The following ZNF224 variants were observed in gnomAD, a reference collection of about 807,000 sequenced individuals.
The protein encoded by ZNF224 is bone marrow zinc finger 2.
In ZNF224, 8 loss-of-function variants were observed where a neutral mutation model predicts 10.5. That is an observed-to-expected ratio of 0.76 (90% CI 0.45 to 1.37). The LOEUF is 1.37. Among genes scored for constraint, ZNF224 ranks in the 40% most tolerant of loss-of-function variants. The pLI, the probability that ZNF224 is intolerant of heterozygous loss-of-function variation, is 0.00. For synonymous variants in ZNF224, 282 were observed against 287.8 expected, an observed-to-expected ratio of 0.98 and a Z score of 0.20; for missense variants, 754 against 854.0, an observed-to-expected ratio of 0.88 and a Z score of 1.46.
At chr19:44,104,921 C>T (rs923489373) in intron 5 of ZNF224, among the ~76,000 whole-genome samples, 10 of 152,218 alleles carry the variant, frequency 6.6e-5, no homozygotes, top group South Asian at 2.1e-4. Flanking sequence ...TTCGGCCTCC[C>T]GAAGTGCTGG....
intron 3 of ZNF224, among the ~76,000 whole-genome samples, chr19:44,099,244 A>T (rs968724724): frequency 6.6e-6 from 1 of 152,154 alleles, no homozygotes; most frequent in East Asian, 1.9e-4. Flanking sequence ...TACCTCTTCC[A>T]TGGCCCCCAG....
rs1235088887 is a variant in ZNF224 at position 44,109,447 on chromosome 19, A to G, written c.*1163A>G. 1 of 152,152 alleles carries G rather than the reference A, an allele frequency of 6.6e-6. No individual in the cohort carries two copies. The highest frequency in any genetic ancestry group is 6.5e-5 in the Admixed American group (1 of 15,278). 9.4% of individuals were successfully genotyped at this position (152,152 alleles called of 1,614,324 possible). On this transcript the variant is annotated 3_prime_UTR_variant, in exon 6 of 6. Transcript: ENST00000693561. ...AGAGAAAATGGAGTTTGGTAATTTC[A>G]TCAAATATATTCATTATTGGGGGCA...
intron 5 of ZNF224, among the ~76,000 whole-genome samples, chr19:44,104,097 A>G (rs886623120): frequency 3.3e-5 from 5 of 152,078 alleles, no homozygotes; most frequent in Non-Finnish European, 7.4e-5. Context: ...ACCACCTTTC[A>G]TTGTCTCATC....
Position 44,107,311 on chromosome 19 carries a change from C to T in ZNF224, c.1151C>T (p.Ala384Val), listed in dbSNP as rs770261501. 1 of 1,584,796 alleles carries T rather than the reference C, an allele frequency of 6.3e-7. No individual in the cohort carries two copies. The highest frequency in any genetic ancestry group is 2.2e-5 in the East Asian group (1 of 44,678). Residue 384 changes from alanine (A) to valine (V), a missense_variant, in exon 6 of 6, where the codon GCC becomes GTC. Ala to Val is a moderately conservative substitution (Grantham distance 64, BLOSUM62 0). Transcript: ENST00000693561. ...CKECGKSFRW[A>V]SCLLKHQRVH... ...GAGTGTGGGAAGAGCTTCAGATGGG[C>T]CTCGTGTCTTTTGAAACATCAGCGA... is the stretch of plus-strand genomic sequence containing the variant.
At chr19:44,096,310 A>G (rs1249443557) in intron 1 of ZNF224, 33 bp from the exon 2 acceptor site, 1 of 152,188 alleles carries the variant, frequency 6.6e-6, no homozygotes, top group Non-Finnish European at 1.5e-5. Flanking sequence ...AAGTGTTTAC[A>G]TTTTTCCTGT....
chr19:44,106,466 A>G lies in ZNF224; in HGVS notation c.306A>G (p.Gln102=). Reference sequence around the variant, plus strand: ...CACATCAAGAGTGGTCCTTCCAGCAAATCTGGGAAAAAATTGCAAGTGATT... The same window carrying G: ...CACATCAAGAGTGGTCCTTCCAGCAGATCTGGGAAAAAATTGCAAGTGATT... The part of the protein sequence containing the change: ...AGTHQEWSFQ[Q]IWEKIASDLT... Residue 102 remains glutamine (Q), a synonymous_variant, in exon 6 of 6, where the codon CAA becomes CAG. Transcript: ENST00000693561. 6.2e-7 allele frequency: 1 copy of G among 1,614,192 alleles called. No homozygotes were observed.
chr19:44,105,368 G>C (rs1284530594), intron 5 of ZNF224: 5 of 152,094 alleles, frequency 3.3e-5, no homozygotes, highest in Admixed American at 6.5e-5. Context: ...AATTGGTTTT[G>C]ATTCATATTT....
Position 44,101,165 on chromosome 19 carries a change from T to G in ZNF224, c.175T>G (p.Phe59Val), listed in dbSNP as rs759853056. 6.2e-7 allele frequency: 1 copy of G among 1,614,156 alleles called. No homozygotes were observed. Among genetic ancestry groups the G allele is most frequent in the Non-Finnish European group, 8.5e-7 (1 of 1,180,010 alleles). Reference protein sequence around the residue: ...HQAFHRDTFHFLREEKIWMMK... With the variant: ...HQAFHRDTFHVLREEKIWMMK... Reference sequence around the variant, plus strand: ...AGCATTCCACAGGGATACTTTCCACTTCCTAAGGGAAGAAAAGATTTGGAT... The same window carrying G: ...AGCATTCCACAGGGATACTTTCCACGTCCTAAGGGAAGAAAAGATTTGGAT... Residue 59 changes from phenylalanine to valine, a missense_variant, in exon 5 of 6, where the codon TTC becomes GTC. Physicochemically the swap from Phe to Val is conservative, Grantham distance 50 (BLOSUM62 -1). Transcript: ENST00000693561.
intron 5 of ZNF224, among the ~76,000 whole-genome samples, chr19:44,104,909 G>A (rs1372145576): frequency 3.3e-5 from 5 of 152,182 alleles, no homozygotes; most frequent in Non-Finnish European, 5.9e-5. Flanking sequence ...TGATCTGCCC[G>A]CTTCGGCCTC....
intron 5 of ZNF224, chr19:44,105,531 C>T (rs1479745952): frequency 1.5e-4 from 6 of 39,016 alleles, no homozygotes; most frequent in East Asian, 3.4e-4. Flanking sequence ...TTTCAGTAGT[C>T]TTTTTTTATT....
Position 44,107,653 on chromosome 19 carries a change from ATCT to A in ZNF224, c.1496_1498del (p.Leu499del). 6.2e-7 allele frequency: 1 copy of A among 1,614,112 alleles called. No homozygotes were observed. The highest frequency in any genetic ancestry group is 8.5e-7 in the Non-Finnish European group (1 of 1,180,000). On this transcript the variant is annotated inframe_deletion, in exon 6 of 6. Coordinates refer to ENST00000693561, the MANE Select transcript of ZNF224 (RefSeq NM_001321645.3). ...GGGAAGAGATTTACTCAAAATTCACATCTTCATTCCCATCAGAGAGTTCACACT... is the reference window on the plus strand; with the variant it reads ...GGGAAGAGATTTACTCAAAATTCACATCATTCCCATCAGAGAGTTCACACT...
chr19:44,105,680 C>T (rs1967641974), intron 5 of ZNF224: 1 of 152,172 alleles, frequency 6.6e-6, no homozygotes, highest in Admixed American at 6.5e-5. Flanking sequence ...TCCACCCTCC[C>T]CATTTTGAGT....
Position 44,109,457 on chromosome 19 carries a change from T to C in ZNF224, c.*1173T>C, listed in dbSNP as rs760581975. 1 of 152,162 alleles carries C rather than the reference T, an allele frequency of 6.6e-6. No individual in the cohort carries two copies. Among genetic ancestry groups the C allele is most frequent in the African/African-American group, 2.4e-5 (1 of 41,432 alleles). 9.4% of individuals were successfully genotyped at this position (152,162 alleles called of 1,614,324 possible). A position where few individuals can be genotyped will look rare whatever the true frequency, so the allele number is the denominator to read the frequency against. On this transcript the variant is annotated 3_prime_UTR_variant, in exon 6 of 6. Transcript: ENST00000693561. ...GAGTTTGGTAATTTCATCAAATATATTCATTATTGGGGGCAGGAGTAACAT... is the reference window on the plus strand; with the variant it reads ...GAGTTTGGTAATTTCATCAAATATACTCATTATTGGGGGCAGGAGTAACAT...
rs1474848582 is a variant in ZNF224 at position 44,108,964 on chromosome 19, A to T, written c.*680A>T. The T allele has an allele frequency of 4.3e-6, 1 of 234,294 alleles. No homozygotes were observed. Among genetic ancestry groups the T allele is most frequent in the African/African-American group, 2.3e-5 (1 of 43,380 alleles). The allele number at this position is 234,294 out of a possible 1,614,324, so 14.5% of individuals were successfully genotyped here. A position where few individuals can be genotyped will look rare whatever the true frequency, so the allele number is the denominator to read the frequency against. On this transcript the variant is annotated 3_prime_UTR_variant, in exon 6 of 6. Transcript: ENST00000693561. ...TTGATCAGATTTATCATATTCATTG[A>T]ACATTATTTTATTGCACTTGGCTCC...
chr19:44,104,714 T>G (rs1312571432), intron 5 of ZNF224, among the ~76,000 whole-genome samples: 4 of 151,560 alleles, frequency 2.6e-5, no homozygotes, highest in Non-Finnish European at 5.9e-5. Context: ...CAGGCTGGAG[T>G]GCAGTGGCGC....
chr19:44,094,566 T>A (rs1967400657), intron 1 of ZNF224, 36 bp downstream of exon 1: 1 of 152,628 alleles, frequency 6.6e-6, no homozygotes, highest in Admixed American at 6.5e-5. Flanking sequence ...TGCGTTCTCG[T>A]CCGTGGCACC....
chr19:44,100,719 C>A, intron 3 of ZNF224, 82 bp from the exon 4 acceptor site: 2 of 1,514,504 alleles, frequency 1.3e-6, no homozygotes, highest in Non-Finnish European at 1.8e-6. Flanking sequence ...CTTCCCACCC[C>A]TCCCCTCTGT....
chr19:44,104,508 T>C (rs1380395184), intron 5 of ZNF224, among the ~76,000 whole-genome samples: 2 of 152,226 alleles, frequency 1.3e-5, no homozygotes, highest in Admixed American at 1.3e-4. Flanking sequence ...AGATGCACAT[T>C]ACATTTCACC....
In ZNF224 at chr19:44,108,166, T is replaced by G. The variant is rs1025936112; in HGVS notation, c.2006T>G (p.Met669Arg). 2.5e-6 allele frequency: 4 copies of G among 1,614,124 alleles called. No homozygotes were observed. Among genetic ancestry groups the G allele is most frequent in the South Asian group, 2.2e-5 (2 of 91,088 alleles). The change falls in exon 6 of 6, where the codon ATG becomes AGG. Residue 669 changes from methionine to arginine, a missense_variant. Met to Arg is a moderately conservative substitution (Grantham distance 91). Transcript: ENST00000693561. ...TACAACAGGCGCTTGAATCTTGATATGCATCAGAGGGTCCACATGGGAGAG... is the reference window on the plus strand; with the variant it reads ...TACAACAGGCGCTTGAATCTTGATAGGCATCAGAGGGTCCACATGGGAGAG... ...KGYNRRLNLDMHQRVHMGEKT... is the reference protein window; with the variant it reads ...KGYNRRLNLDRHQRVHMGEKT...
Sources: gnomAD v4.1 joint callset for allele counts (sites outside exome capture counted in the v4.1 genomes callset) on GRCh38, gnomAD v4.1.1 for gene constraint, MANE v1.5 for transcripts, NCBI Gene and HGNC (gene_info 2026-07-23, HGNC 2026-07-21) for gene names.